Variants in GSTA3 observed in about 807,000 individuals in gnomAD.
The protein encoded by GSTA3 is glutathione S-transferase A3.
A neutral mutation model predicts 23.1 loss-of-function variants in GSTA3; 16 were observed. The observed-to-expected ratio is 0.69, with a 90% CI of 0.47 to 1.05. The LOEUF (loss-of-function observed/expected upper bound fraction) is 1.05. GSTA3 is among the 50% of genes least tolerant of loss of function. The pLI is 0.00. For missense variants in GSTA3, 319 were observed against 263.6 expected (o/e 1.21, Z -1.46); for synonymous variants, 122 against 91.0 (o/e 1.34, Z -1.94).
intron 6 of GSTA3, 143 bp downstream of exon 6, chr6:52,897,681 TC>T: frequency 1.2e-6 from 1 of 828,874 alleles, no homozygotes; most frequent in East Asian, 2.5e-5. Flanking sequence ...AAAATTGGGG[TC>T]TGGAAGCTCA....
At position 52,909,659 on chromosome 6, in the gene GSTA3, G is replaced by A. The variant is rs567059868; in HGVS notation, c.-40C>T. On this transcript the variant is annotated 5_prime_UTR_variant, in exon 1 of 7. Transcript: ENST00000211122. ...TACTAACTTGAGTAAAGTCTAGCCGGTCTCCGCTCAGCTTCTCAAGGCCAC... is the reference window on the plus strand; with the variant it reads ...TACTAACTTGAGTAAAGTCTAGCCGATCTCCGCTCAGCTTCTCAAGGCCAC... 6.6e-6 allele frequency: 1 copy of A among 152,228 alleles called. No homozygotes were observed. The highest frequency in any genetic ancestry group is 2.4e-5 in the African/African-American group (1 of 41,552). 9.4% of individuals were successfully genotyped at this position (152,228 alleles called of 1,614,324 possible). A position where few individuals can be genotyped will look rare whatever the true frequency, so the allele number is the denominator to read the frequency against.
At chr6:52,905,001 C>A (rs1049801718) in intron 2 of GSTA3, among the ~76,000 whole-genome samples, 4 of 152,308 alleles carry the variant, frequency 2.6e-5, no homozygotes, top group African/African-American at 9.6e-5. Context: ...AGGTGCACAA[C>A]AAAATAACCA....
chr6:52,899,545 C>T (rs1765595874), intron 5 of GSTA3, among the ~76,000 whole-genome samples: 1 of 152,202 alleles, frequency 6.6e-6, no homozygotes, highest in South Asian at 2.1e-4. Flanking sequence ...TCTTCCTACA[C>T]ATGGTGCCAG....
intron 5 of GSTA3, among the ~76,000 whole-genome samples, chr6:52,899,201 A>G (rs1290019151): frequency 6.6e-6 from 1 of 152,150 alleles, no homozygotes; most frequent in East Asian, 1.9e-4. Flanking sequence ...AGGTAATCGA[A>G]AAAGATTGCT....
chr6:52,905,341 A>G (rs1395677703), intron 2 of GSTA3, among the ~76,000 whole-genome samples: 1 of 152,160 alleles, frequency 6.6e-6, no homozygotes, highest in Non-Finnish European at 1.5e-5. Flanking sequence ...AACATAACAG[A>G]AACATCATAC....
At chr6:52,905,415 T>A (rs1207044689) in intron 2 of GSTA3, among the ~76,000 whole-genome samples, 6 of 152,132 alleles carry the variant, frequency 3.9e-5, no homozygotes, top group Non-Finnish European at 8.8e-5. Context: ...TAACATTCAA[T>A]CAATATTCAG....
chr6:52,903,735 C>G lies in GSTA3; in HGVS notation c.88-8G>C. On this transcript the variant is annotated splice_region_variant and splice_polypyrimidine_tract_variant and intron_variant, in intron 2 of 6. Transcript: ENST00000211122. The stretch of plus-strand genomic sequence containing the variant: ...TATAAATTTCTCTTCAAACTGGAAG[C>G]AGAAACAGTAAATGGGTTCTTGTTA... 7 of 1,567,646 alleles carry G rather than the reference C, an allele frequency of 4.5e-6. No homozygotes were observed. The highest frequency in any genetic ancestry group is 6.1e-6 in the Non-Finnish European group (7 of 1,138,420).
At chr6:52,904,576 C>T (rs767241604) in intron 2 of GSTA3, among the ~76,000 whole-genome samples, 6 of 152,110 alleles carry the variant, frequency 3.9e-5, no homozygotes, top group Non-Finnish European at 7.3e-5. Flanking sequence ...TGAAGGGGCG[C>T]GCTAGAAGTT....
rs59410661 is a variant in GSTA3 at position 52,905,798 on chromosome 6, G to A, written c.37C>T (p.Arg13Trp). The change falls in exon 2 of 7, where the codon CGG becomes TGG. Residue 13 changes from arginine to tryptophan, a missense_variant. Physicochemically the swap from Arg to Trp is moderately radical, Grantham distance 101. Transcript: ENST00000211122. ...GKPKLHYFNG[R>W]GRMEPIRWLL... Reference sequence around the variant, plus strand: ...CACCGGATGGGCTCCATTCTGCCCCGTCCATTGAAGTAGTGAAGCTTGGGC... The same window carrying A: ...CACCGGATGGGCTCCATTCTGCCCCATCCATTGAAGTAGTGAAGCTTGGGC... 2.3e-4 allele frequency: 363 copies of A among 1,609,916 alleles called. No homozygotes were observed. Among genetic ancestry groups the A allele is most frequent in the South Asian group, 2.2e-4 (20 of 90,740 alleles).
chr6:52,904,212 A>G (rs1765810271), intron 2 of GSTA3, among the ~76,000 whole-genome samples: 1 of 151,378 alleles, frequency 6.6e-6, no homozygotes, highest in South Asian at 2.1e-4. Context: ...CTCATCTTGA[A>G]CTCCTGGGCT....
rs1190857278 is a variant in GSTA3 at position 52,899,933 on chromosome 6, C to CT, written c.414dup (p.Val139SerfsTer19). 4.3e-6 allele frequency: 7 copies of CT among 1,613,876 alleles called. No individual in the cohort carries two copies. In the African/African-American group the frequency reaches 9.3e-5, roughly 22 times the overall value. ...CCAAAATGCTGAACAGCTTCACCTA[C>CT]TTTTTCGAAGGCAGGGAAATAGCGA... On this transcript the variant is annotated frameshift_variant and splice_region_variant. Coordinates refer to ENST00000211122, the MANE Select transcript of GSTA3 (RefSeq NM_000847.5). LOFTEE classifies it high-confidence loss of function.
intron 2 of GSTA3, among the ~76,000 whole-genome samples, chr6:52,905,361 C>A (rs1010317073): frequency 8.6e-5 from 13 of 152,006 alleles, no homozygotes; most frequent in African/African-American, 3.1e-4. Context: ...CCTAACATCA[C>A]AAAATGACAC....
chr6:52,898,001 G>A, intron 5 of GSTA3, 45 bp from the exon 6 acceptor site: 1 of 1,610,246 alleles, frequency 6.2e-7, no homozygotes, highest in Non-Finnish European at 8.5e-7. Context: ...GCGCACCCAG[G>A]ATGGGACCCC....
At chr6:52,897,072 G>T in intron 6 of GSTA3, 144 bp from the exon 7 acceptor site, 2 of 1,171,786 alleles carry the variant, frequency 1.7e-6, no homozygotes, top group Non-Finnish European at 2.4e-6. Flanking sequence ...CAGACACCCA[G>T]TGATAAATGA....
chr6:52,899,996 C>A lies in GSTA3; in HGVS notation c.352G>T (p.Asp118Tyr). 4.3e-6 allele frequency: 7 copies of A among 1,613,976 alleles called. No homozygotes were observed. Among genetic ancestry groups the A allele is most frequent in the East Asian group, 2.2e-5 (1 of 44,880 alleles). ...TCTTTGATCAAGGCAATCTTGGCAT[C>A]TTTTTCCTCAGGTCGACATAAGGGC... ...LLPLCRPEEK[D>Y]AKIALIKEKT... The change falls in exon 5 of 7, where the codon GAT (aspartate) becomes TAT (tyrosine). Residue 118 changes from aspartate to tyrosine, a missense_variant. Transcript: ENST00000211122.
chr6:52,902,377 G>A lies in GSTA3; in HGVS notation c.241C>T (p.Leu81Phe). 6.2e-7 allele frequency: 1 copy of A among 1,613,908 alleles called. No homozygotes were observed. The change falls in exon 4 of 7, where the codon CTC becomes TTC. Residue 81 changes from leucine to phenylalanine, a missense_variant. Leu to Phe is a conservative substitution (Grantham distance 22). Transcript: ENST00000211122. ...CTCTCCTTTATGTCTTTCCCGTAGA[G>A]GTTGTATTTGCTGGCAATGTAGTTG... ...ILNYIASKYN[L>F]YGKDIKERAL...
In GSTA3 at chr6:52,905,811, G is replaced by A; in HGVS notation, c.24C>T (p.His8=). Residue 8 remains histidine (H), a synonymous_variant, in exon 2 of 7, where the codon CAC becomes CAT. Coordinates refer to ENST00000211122, the MANE Select transcript of GSTA3 (RefSeq NM_000847.5). The part of the protein sequence containing the change: MAGKPKL[H]YFNGRGRMEP... ...CCATTCTGCCCCGTCCATTGAAGTA[G>A]TGAAGCTTGGGCTTCCCTGCCATGG... 6.2e-7 allele frequency: 1 copy of A among 1,608,422 alleles called. No homozygotes were observed. The highest frequency in any genetic ancestry group is 1.7e-5 in the Admixed American group (1 of 59,362).
At chr6:52,902,650 G>A (rs995433937) in intron 3 of GSTA3, among the ~76,000 whole-genome samples, 172 bp from the exon 4 acceptor site, 2 of 152,156 alleles carry the variant, frequency 1.3e-5, no homozygotes, top group Non-Finnish European at 2.9e-5. Context: ...TTCTTTTTCT[G>A]ACCTGATTCC....
intron 2 of GSTA3, among the ~76,000 whole-genome samples, chr6:52,904,023 G>T (rs1355915653): frequency 6.6e-6 from 1 of 151,428 alleles, no homozygotes; most frequent in African/African-American, 2.5e-5. Flanking sequence ...GTCTCACTTT[G>T]TCGCCCAGGC....
Sources: allele counts gnomAD v4.1 joint callset (sites outside exome capture counted in the v4.1 genomes callset), GRCh38; gene constraint gnomAD v4.1.1; transcripts MANE v1.5; gene names NCBI Gene and HGNC (gene_info 2026-07-23, HGNC 2026-07-21).